The following SYNPR variants were observed in gnomAD, a reference collection of about 807,000 sequenced individuals.
The protein encoded by SYNPR is synaptoporin.
Under a neutral mutation model 32.9 loss-of-function variants are expected in SYNPR, and 23 were observed. That is an observed-to-expected ratio of 0.70 (90% CI 0.50 to 0.99). SYNPR has a LOEUF of 0.99. SYNPR is among the 50% of genes least tolerant of loss of function. The probability of loss-of-function intolerance (pLI) is 0.00; values close to 1 mark genes in which losing one functional copy is unlikely to be tolerated. For missense variants in SYNPR, 318 were observed against 349.3 expected, an observed-to-expected ratio of 0.91 and a Z score of 0.71; for synonymous variants, 146 against 135.9, an observed-to-expected ratio of 1.07 and a Z score of -0.52.
intron 2 of SYNPR, among the ~76,000 whole-genome samples, chr3:63,457,717 T>C (rs544946369): frequency 2.6e-5 from 4 of 152,254 alleles, no homozygotes; most frequent in African/African-American, 9.6e-5. Context: ...GAAGGTCACC[T>C]GAAAAATTAT....
chr3:63,417,218 G>C (rs934566140), intron 2 of SYNPR, among the ~76,000 whole-genome samples: 1 of 152,242 alleles, frequency 6.6e-6, no homozygotes, highest in Non-Finnish European at 1.5e-5. Flanking sequence ...GAGGCCCCAT[G>C]CAAGTCTAAA....
At chr3:63,599,437 T>C (rs928609549) in intron 4 of SYNPR, among the ~76,000 whole-genome samples, 6 of 151,972 alleles carry the variant, frequency 3.9e-5, no homozygotes, top group Non-Finnish European at 8.8e-5. Flanking sequence ...TGTGTTTACA[T>C]ACACAAATAC....
intron 3 of SYNPR, among the ~76,000 whole-genome samples, chr3:63,502,042 G>T (rs1325696439): frequency 1.3e-5 from 2 of 152,142 alleles, no homozygotes; most frequent in East Asian, 3.9e-4. Context: ...TATTTATATT[G>T]ATTACACATA....
the SYNPR span, among the ~76,000 whole-genome samples, chr3:63,202,587 T>C: frequency 2.4e-5 from 2 of 81,812 alleles, no homozygotes; most frequent in East Asian, 2.3e-4. Flanking sequence ...GTTGAGGATA[T>C]GAAAAGATTA....
chr3:63,309,282 C>A (rs1302324108), intron 2 of SYNPR, among the ~76,000 whole-genome samples: 1 of 151,888 alleles, frequency 6.6e-6, no homozygotes, highest in East Asian at 1.9e-4. Flanking sequence ...TTTTCATGTC[C>A]TTGTCTGCTA....
At chr3:63,315,770 A>C (rs532371432) in intron 2 of SYNPR, among the ~76,000 whole-genome samples, 2 of 152,124 alleles carry the variant, frequency 1.3e-5, no homozygotes, top group African/African-American at 4.8e-5. Flanking sequence ...GACTTGCAGT[A>C]CTATGTTGAA....
At chr3:63,209,432 C>T in the SYNPR span, among the ~76,000 whole-genome samples, 1 of 151,860 alleles carries the variant, frequency 6.6e-6, no homozygotes, top group Non-Finnish European at 1.5e-5. Context: ...TGATGATTTT[C>T]ATATACAGTC....
At chr3:63,492,294 T>C (rs11130935) in intron 3 of SYNPR, among the ~76,000 whole-genome samples, 27,722 of 151,970 alleles carry the variant, frequency 0.18, 2,647 homozygotes, top group African/African-American at 0.22. Context: ...ACAGAAACCC[T>C]TGCTGAACCT....
At chr3:63,337,232 CAAAAAAAA>C (rs67376099) in intron 2 of SYNPR, among the ~76,000 whole-genome samples, 3 of 55,470 alleles carry the variant, frequency 5.4e-5, no homozygotes, top group South Asian at 1.0e-3. Flanking sequence ...ACTCTGTCTC[CAAAAAAAA>C]AAAAAAAAAA....
In SYNPR at chr3:63,615,569, T is replaced by G; in HGVS notation, c.*88T>G. 6.7e-7 allele frequency: 1 copy of G among 1,487,670 alleles called. No homozygotes were observed. Among genetic ancestry groups the G allele is most frequent in the Non-Finnish European group, 9.0e-7 (1 of 1,106,396 alleles). The allele number at this position is 1,487,670 out of a possible 1,614,324, so 92.2% of individuals were successfully genotyped here. On this transcript the variant is annotated 3_prime_UTR_variant, in exon 6 of 6. Transcript: ENST00000478300. ...TTTTTTAAGGGTTTCAATCAATTAT[T>G]AATGCAGAGAGTATTGAATGTAAAT...
intron 2 of SYNPR, among the ~76,000 whole-genome samples, chr3:63,291,290 C>G (rs1243540443): frequency 1.3e-5 from 2 of 152,024 alleles, no homozygotes. Flanking sequence ...ATCTTTCTGC[C>G]TCTCAATTTC....
At chr3:63,310,041 T>C (rs774280392) in intron 2 of SYNPR, among the ~76,000 whole-genome samples, 35 of 151,860 alleles carry the variant, frequency 2.3e-4, no homozygotes, top group Admixed American at 2.3e-3. Flanking sequence ...CTCAAGCAGA[T>C]ACCCCATACC....
At chr3:63,388,070 C>T (rs2088079057) in intron 2 of SYNPR, among the ~76,000 whole-genome samples, 1 of 152,076 alleles carries the variant, frequency 6.6e-6, no homozygotes, top group African/African-American at 2.4e-5. Context: ...CAGGATGACC[C>T]TCAGAGCTCT....
At chr3:63,562,962 A>G (rs537610149) in intron 4 of SYNPR, among the ~76,000 whole-genome samples, 48 of 152,342 alleles carry the variant, frequency 3.2e-4, no homozygotes, top group African/African-American at 1.0e-3. Context: ...AATGCCTGAA[A>G]AGCACTTTAC....
intron 2 of SYNPR, among the ~76,000 whole-genome samples, chr3:63,260,609 A>T: frequency 6.6e-6 from 1 of 152,262 alleles, no homozygotes; most frequent in East Asian, 1.9e-4. Flanking sequence ...ATCTAAAACC[A>T]TAAAAACCCT....
intron 4 of SYNPR, among the ~76,000 whole-genome samples, chr3:63,562,313 C>T (rs549233325): frequency 3.0e-4 from 45 of 152,280 alleles, no homozygotes; most frequent in Non-Finnish European, 5.6e-4. Flanking sequence ...TGACAGAATG[C>T]TTGAATGCTC....
intron 3 of SYNPR, among the ~76,000 whole-genome samples, chr3:63,272,587 C>A (rs1446933354): frequency 6.9e-6 from 1 of 145,506 alleles, no homozygotes; most frequent in African/African-American, 2.5e-5. Flanking sequence ...CTTGTTTTAT[C>A]TAGGTTTCTT....
chr3:63,360,974 T>C (rs1248598580), intron 2 of SYNPR, among the ~76,000 whole-genome samples: 1 of 152,206 alleles, frequency 6.6e-6, no homozygotes, highest in African/African-American at 2.4e-5. Flanking sequence ...TTTGGTACAT[T>C]GCTGAAATAC....
intron 2 of SYNPR, among the ~76,000 whole-genome samples, chr3:63,321,301 A>C (rs568585787): frequency 6.6e-6 from 1 of 152,196 alleles, no homozygotes; most frequent in Admixed American, 6.6e-5. Context: ...AAGAGTAAAC[A>C]TTTTTTATAG....
Sources: gnomAD v4.1 joint callset for allele counts (sites outside exome capture counted in the v4.1 genomes callset) on GRCh38, gnomAD v4.1.1 for gene constraint, MANE v1.5 for transcripts, NCBI Gene and HGNC (gene_info 2026-07-23, HGNC 2026-07-21) for gene names.